Variants in MSANTD3 observed in about 807,000 individuals in gnomAD.
MSANTD3 encodes myb/SANT-like DNA-binding domain-containing protein 3.
A neutral mutation model predicts 27.7 loss-of-function variants in MSANTD3; 11 were observed. That is an observed-to-expected ratio of 0.40 (90% CI 0.25 to 0.66). MSANTD3 has a LOEUF of 0.66. Ranked by LOEUF, MSANTD3 falls within the 30% of genes least tolerant of loss-of-function variation. The pLI is 0.41. For missense variants in MSANTD3, 250 were observed against 336.5 expected (o/e 0.74, Z 2.01); for synonymous variants, 131 against 127.2 (o/e 1.03, Z -0.20).
At chr9:100,427,729 C>T (rs1468649423) in intron 1 of MSANTD3, among the ~76,000 whole-genome samples, 2 of 152,148 alleles carry the variant, frequency 1.3e-5, no homozygotes, top group Non-Finnish European at 2.9e-5. Flanking sequence ...GCGGTCTTCC[C>T]ATCCCGGCGT....
intron 2 of MSANTD3, among the ~76,000 whole-genome samples, chr9:100,443,859 C>T (rs1243206831): frequency 2.0e-5 from 3 of 152,116 alleles, no homozygotes; most frequent in Non-Finnish European, 2.9e-5. Context: ...GAGGATGTTT[C>T]CTGGTGGGGG....
intron 1 of MSANTD3, among the ~76,000 whole-genome samples, chr9:100,428,446 G>C (rs941910925): frequency 1.3e-5 from 2 of 152,146 alleles, no homozygotes; most frequent in Non-Finnish European, 2.9e-5. Flanking sequence ...GCCAGAGAGA[G>C]ACATGGGATG....
intron 1 of MSANTD3, among the ~76,000 whole-genome samples, chr9:100,433,785 T>C (rs940803750): frequency 6.6e-6 from 1 of 152,160 alleles, no homozygotes; most frequent in African/African-American, 2.4e-5. Context: ...GATTGCCCAT[T>C]ACTTTCCAGG....
intron 2 of MSANTD3, among the ~76,000 whole-genome samples, chr9:100,443,877 GT>G (rs1284391353): frequency 6.6e-6 from 1 of 152,188 alleles, no homozygotes; most frequent in African/African-American, 2.4e-5. Flanking sequence ...GGGACAGAGG[GT>G]TGTTCATAAG....
At chr9:100,448,556 A>G (rs1389476617) in intron 2 of MSANTD3, 1 of 985,218 alleles carries the variant, frequency 1.0e-6, no homozygotes, top group African/African-American at 1.7e-5. Flanking sequence ...GAGGGATGTG[A>G]CCCACTGCAC....
At position 100,430,405 on chromosome 9, in the gene MSANTD3, G is replaced by A. The variant is rs957129328; in HGVS notation, c.-34+3012G>A. Among the ~76,000 whole-genome samples, 4 of 152,140 alleles carry A rather than the reference G, an allele frequency of 2.6e-5. No homozygotes were observed. The East Asian group carries it at 5.8e-4, about 22-fold the overall frequency. ...AAGGATTCCAGCCAAAGGAAGCCGC[G>A]TGTTGAGTTTGGTCTGGTTAGGTTG... On this transcript the variant is annotated intron_variant, in intron 1 of 2. Transcript: ENST00000395067.
At chr9:100,449,118 A>G in intron 2 of MSANTD3, 1 of 985,378 alleles carries the variant, frequency 1.0e-6, no homozygotes, top group Non-Finnish European at 1.2e-6. Context: ...GATGCTCGTT[A>G]TTGGAAATGT....
At chr9:100,448,766 T>C (rs2118131599) in intron 2 of MSANTD3, 1 of 985,358 alleles carries the variant, frequency 1.0e-6, no homozygotes, top group Admixed American at 6.1e-5. Flanking sequence ...AGAGCTGTCT[T>C]TGAGGCCAGA....
At chr9:100,437,605 G>T (rs965474774) in intron 1 of MSANTD3, among the ~76,000 whole-genome samples, 1 of 152,162 alleles carries the variant, frequency 6.6e-6, no homozygotes, top group Non-Finnish European at 1.5e-5. Context: ...GAATGCAACC[G>T]CAAGGCCCAG....
chr9:100,432,592 A>C (rs1836399799), intron 1 of MSANTD3, among the ~76,000 whole-genome samples: 1 of 152,232 alleles, frequency 6.6e-6, no homozygotes, highest in Non-Finnish European at 1.5e-5. Context: ...AATTCCACAA[A>C]TATTTATTGA....
At chr9:100,429,440 A>G (rs1836316320) in intron 1 of MSANTD3, 1 of 152,228 alleles carries the variant, frequency 6.6e-6, no homozygotes, top group Admixed American at 6.5e-5. Context: ...AGCACCAGTC[A>G]TGTGCTGAGT....
rs979227629 is a variant in MSANTD3 at position 100,428,066 on chromosome 9, G to A, written c.-34+673G>A. Reference sequence around the variant, plus strand: ...CCAGGCCCTAGGTACTAAACAGTTGGCATGAATTATCATTGAATCATCACC... The same window carrying A: ...CCAGGCCCTAGGTACTAAACAGTTGACATGAATTATCATTGAATCATCACC... On this transcript the variant is annotated intron_variant, in intron 1 of 2. Transcript: ENST00000395067. Among the ~76,000 whole-genome samples, 7 of 152,276 alleles carry A rather than the reference G, an allele frequency of 4.6e-5. No individual in the cohort carries two copies. The South Asian group carries it at 1.5e-3, about 32-fold the overall frequency.
intron 2 of MSANTD3, among the ~76,000 whole-genome samples, chr9:100,445,767 G>A (rs1317703361): frequency 6.6e-6 from 1 of 152,086 alleles, no homozygotes; most frequent in African/African-American, 2.4e-5. Flanking sequence ...CTACTTTTTG[G>A]TATGAGATAG....
At chr9:100,445,554 CT>C (rs1836734189) in intron 2 of MSANTD3, among the ~76,000 whole-genome samples, 1 of 152,078 alleles carries the variant, frequency 6.6e-6, no homozygotes, top group South Asian at 2.1e-4. Context: ...AAAATTTCAC[CT>C]TTTTTTATTT....
rs1489027852 is a variant in MSANTD3 at position 100,427,364 on chromosome 9, G to C, written c.-63G>C. 1 of 147,048 alleles carries C rather than the reference G, an allele frequency of 6.8e-6. No individual in the cohort carries two copies. The highest frequency in any genetic ancestry group is 2.0e-4 in the East Asian group (1 of 5,054). 9.1% of individuals were successfully genotyped at this position (147,048 alleles called of 1,614,324 possible). On this transcript the variant is annotated 5_prime_UTR_variant, in exon 1 of 3. Transcript: ENST00000395067. Reference sequence around the variant, plus strand: ...TCGCGCCTCGCCGGCCCCTCCCCCGGTCGCCGCGGCTGCCGCGCCGCCGCT... The same window carrying C: ...TCGCGCCTCGCCGGCCCCTCCCCCGCTCGCCGCGGCTGCCGCGCCGCCGCT...
At chr9:100,439,634 C>G (rs570392246) in intron 1 of MSANTD3, among the ~76,000 whole-genome samples, 2 of 151,748 alleles carry the variant, frequency 1.3e-5, no homozygotes, top group East Asian at 1.9e-4. Flanking sequence ...CTCAGCCTCC[C>G]GAATAGCTGG....
At chr9:100,440,514 A>G (rs1289478713) in intron 1 of MSANTD3, among the ~76,000 whole-genome samples, 1 of 151,918 alleles carries the variant, frequency 6.6e-6, no homozygotes, top group Non-Finnish European at 1.5e-5. Context: ...ACAGACTCCA[A>G]CCCCTCATTT....
At chr9:100,448,254 A>G (rs541832657) in intron 2 of MSANTD3, 1 of 984,892 alleles carries the variant, frequency 1.0e-6, no homozygotes, top group Non-Finnish European at 1.2e-6. Context: ...AGACAGCAGC[A>G]TTGTGAGGGG....
chr9:100,442,476 T>A, intron 2 of MSANTD3, 120 bp downstream of exon 2: 2 of 1,432,094 alleles, frequency 1.4e-6, no homozygotes, highest in South Asian at 1.5e-5. Context: ...AAATCCAATT[T>A]TCCTAATTCA....
Sources: gnomAD v4.1 joint callset for allele counts (sites outside exome capture counted in the v4.1 genomes callset) on GRCh38, gnomAD v4.1.1 for gene constraint, MANE v1.5 for transcripts, NCBI Gene and HGNC (gene_info 2026-07-23, HGNC 2026-07-21) for gene names.